Variants in UNC13C observed in about 807,000 individuals in gnomAD.
The protein encoded by UNC13C is unc-13 homolog C.
A neutral mutation model predicts 245.4 loss-of-function variants in UNC13C; 174 were observed. The observed-to-expected ratio is 0.71, with a 90% confidence interval of 0.63 to 0.80. The LOEUF (loss-of-function observed/expected upper bound fraction) is 0.80, where lower values mean the gene tolerates loss of function less well. Among genes scored for constraint, UNC13C ranks in the 30% least tolerant of loss-of-function variants. The pLI, the probability that UNC13C is intolerant of heterozygous loss-of-function variation, is 0.00. For missense variants in UNC13C, 2,829 were observed against 2,602.9 expected, an observed-to-expected ratio of 1.09 and a Z score of -1.89; for synonymous variants, 992 against 895.1, an observed-to-expected ratio of 1.11 and a Z score of -1.93.
chr15:54,001,839 T>C (rs1894903213), intron 1 of UNC13C, among the ~76,000 whole-genome samples: 2 of 152,190 alleles, frequency 1.3e-5, no homozygotes, highest in Non-Finnish European at 2.9e-5. Flanking sequence ...CTTTCCTCTA[T>C]ACCTTCCCCC....
intron 30 of UNC13C, among the ~76,000 whole-genome samples, chr15:54,571,967 T>A (rs1379458452): frequency 6.6e-6 from 1 of 152,198 alleles, no homozygotes; most frequent in Non-Finnish European, 1.5e-5. Context: ...CTTACTTACT[T>A]TTTACTTACT....
At chr15:54,536,545 G>C (rs1226776558) in intron 26 of UNC13C, among the ~76,000 whole-genome samples, 3 of 151,688 alleles carry the variant, frequency 2.0e-5, no homozygotes, top group Non-Finnish European at 4.4e-5. Context: ...AAAACTTCAG[G>C]TCAATATCTT....
At chr15:53,907,423 G>T in the UNC13C span, among the ~76,000 whole-genome samples, 1 of 152,100 alleles carries the variant, frequency 6.6e-6, no homozygotes, top group Non-Finnish European at 1.5e-5. Flanking sequence ...TGTAATAGAA[G>T]ATCAGCACTG....
At chr15:54,580,766 AC>A (rs1898164299) in intron 30 of UNC13C, among the ~76,000 whole-genome samples, 1 of 152,078 alleles carries the variant, frequency 6.6e-6, no homozygotes, top group African/African-American at 2.4e-5. Flanking sequence ...ATTAAGAGAG[AC>A]CCCTCAGGAT....
At chr15:54,181,879 G>T (rs2033812916) in intron 4 of UNC13C, among the ~76,000 whole-genome samples, 1 of 151,756 alleles carries the variant, frequency 6.6e-6, no homozygotes, top group South Asian at 2.1e-4. Flanking sequence ...TTTGTATTTT[G>T]ACTTTGTATC....
intron 17 of UNC13C, among the ~76,000 whole-genome samples, chr15:54,379,967 C>T (rs953397302): frequency 6.6e-6 from 1 of 152,154 alleles, no homozygotes; most frequent in African/African-American, 2.4e-5. Context: ...CATTGCCTCA[C>T]ATAGTTATTA....
intron 8 of UNC13C, among the ~76,000 whole-genome samples, chr15:54,262,760 A>C (rs940852820): frequency 6.6e-6 from 1 of 152,094 alleles, no homozygotes; most frequent in Non-Finnish European, 1.5e-5. Flanking sequence ...TCTTTCTACC[A>C]CTGGAATATT....
intron 22 of UNC13C, among the ~76,000 whole-genome samples, chr15:54,504,665 G>T: frequency 6.6e-6 from 1 of 152,248 alleles, no homozygotes; most frequent in East Asian, 1.9e-4. Context: ...ACATAAATCC[G>T]TGAAGTCACA....
chr15:54,579,630 G>A (rs779300291), intron 30 of UNC13C, among the ~76,000 whole-genome samples: 2 of 152,106 alleles, frequency 1.3e-5, no homozygotes, highest in Non-Finnish European at 2.9e-5. Flanking sequence ...ATGGTGGCAC[G>A]CACCTGCAGT....
At chr15:54,472,330 T>C (rs1431842090) in intron 19 of UNC13C, among the ~76,000 whole-genome samples, 1 of 151,824 alleles carries the variant, frequency 6.6e-6, no homozygotes, top group Non-Finnish European at 1.5e-5. Flanking sequence ...TAAATTTTAG[T>C]TGTGTTTAAC....
chr15:54,154,837 A>AT (rs1215869429), intron 4 of UNC13C, among the ~76,000 whole-genome samples: 1 of 152,216 alleles, frequency 6.6e-6, no homozygotes, highest in Non-Finnish European at 1.5e-5. Context: ...TTCTCATTGG[A>AT]CAGAACGTGG....
At chr15:54,061,732 A>C (rs1040761719) in intron 2 of UNC13C, among the ~76,000 whole-genome samples, 2 of 152,216 alleles carry the variant, frequency 1.3e-5, no homozygotes, top group African/African-American at 4.8e-5. Flanking sequence ...TTTCGTGAGC[A>C]GTGAGCTTCC....
intron 26 of UNC13C, among the ~76,000 whole-genome samples, chr15:54,533,497 G>C (rs1295011989): frequency 2.0e-5 from 3 of 152,210 alleles, no homozygotes; most frequent in Non-Finnish European, 4.4e-5. Context: ...ACTTAGCTCA[G>C]AGGCAAGCAG....
chr15:54,451,985 G>A (rs1891205331), intron 19 of UNC13C, among the ~76,000 whole-genome samples: 1 of 152,190 alleles, frequency 6.6e-6, no homozygotes, highest in Non-Finnish European at 1.5e-5. Flanking sequence ...TTGATTCTCA[G>A]TGCATGCAGT....
At chr15:54,276,087 C>G (rs975418011) in intron 10 of UNC13C, among the ~76,000 whole-genome samples, 2 of 151,858 alleles carry the variant, frequency 1.3e-5, no homozygotes, top group African/African-American at 2.4e-5. Context: ...AGACTAATTT[C>G]CAGTGTAAGA....
At chr15:54,221,791 A>G (rs946457444) in intron 4 of UNC13C, among the ~76,000 whole-genome samples, 8 of 152,112 alleles carry the variant, frequency 5.3e-5, no homozygotes, top group Admixed American at 1.3e-4. Context: ...GATACAGAGT[A>G]TACAAATTTT....
chr15:54,484,037 G>A (rs1406435453), intron 19 of UNC13C, among the ~76,000 whole-genome samples: 1 of 151,240 alleles, frequency 6.6e-6, no homozygotes, highest in African/African-American at 2.4e-5. Flanking sequence ...TGAATTATTT[G>A]TTGCAGGGTT....
chr15:54,186,649 T>C (rs721680), intron 4 of UNC13C, among the ~76,000 whole-genome samples: 16,126 of 151,702 alleles, frequency 0.11, 1,451 homozygotes, highest in African/African-American at 0.24. Flanking sequence ...AATATTTAAT[T>C]ATGAATTGTA....
intron 4 of UNC13C, among the ~76,000 whole-genome samples, chr15:54,188,676 C>G (rs988934978): frequency 1.3e-5 from 2 of 152,036 alleles, no homozygotes; most frequent in African/African-American, 2.4e-5. Flanking sequence ...GTATATTAGC[C>G]CTTATTTGTT....
Sources: gnomAD v4.1 joint callset for allele counts (sites outside exome capture counted in the v4.1 genomes callset) on GRCh38, gnomAD v4.1.1 for gene constraint, MANE v1.5 for transcripts, NCBI Gene and HGNC (gene_info 2026-07-23, HGNC 2026-07-21) for gene names.